Variants in SLC9A9 observed in about 807,000 individuals in gnomAD.
SLC9A9 encodes the protein sodium/hydrogen exchanger 9.
In SLC9A9, 62 loss-of-function variants were observed where a neutral mutation model predicts 77.8. The observed-to-expected ratio is 0.80, with a 90% CI of 0.65 to 0.98. SLC9A9 has a LOEUF of 0.98. SLC9A9 is among the 50% of genes least tolerant of loss of function. The pLI is 0.00. For missense variants in SLC9A9, 775 were observed against 774.9 expected, an observed-to-expected ratio of 1.00 and a Z score of 0.00; for synonymous variants, 320 against 283.5, an observed-to-expected ratio of 1.13 and a Z score of -1.29.
intron 7 of SLC9A9, among the ~76,000 whole-genome samples, chr3:143,576,396 A>G (rs6770251): frequency 0.31 from 46,493 of 152,098 alleles, 7,468 homozygotes; most frequent in African/African-American, 0.41. Context: ...TTACTGATAT[A>G]TGATCCTGAG....
chr3:143,594,200 T>C (rs1007976635), intron 6 of SLC9A9, among the ~76,000 whole-genome samples: 2 of 152,240 alleles, frequency 1.3e-5, no homozygotes, highest in Non-Finnish European at 2.9e-5. Flanking sequence ...GGTAATTTGT[T>C]AGTAAACTGA....
At chr3:143,699,046 T>A (rs916362652) in intron 4 of SLC9A9, among the ~76,000 whole-genome samples, 16 of 152,344 alleles carry the variant, frequency 1.1e-4, no homozygotes, top group African/African-American at 3.6e-4. Context: ...AGTTTCAATT[T>A]CACATTTTCT....
intron 9 of SLC9A9, among the ~76,000 whole-genome samples, chr3:143,530,552 G>A (rs2036489414): frequency 6.6e-6 from 1 of 151,986 alleles, no homozygotes; most frequent in Non-Finnish European, 1.5e-5. Flanking sequence ...TCAGCAGCGT[G>A]AAAACAGACT....
chr3:143,529,978 G>A (rs887467135), intron 9 of SLC9A9, among the ~76,000 whole-genome samples: 12 of 152,138 alleles, frequency 7.9e-5, no homozygotes, highest in Admixed American at 2.0e-4. Flanking sequence ...GTGCTTGCCT[G>A]GAGTCTAACC....
intron 9 of SLC9A9, among the ~76,000 whole-genome samples, chr3:143,504,725 A>G (rs931742034): frequency 4.6e-5 from 7 of 152,214 alleles, no homozygotes; most frequent in Admixed American, 2.6e-4. Context: ...TACTTTAACA[A>G]TTTTTAAAAA....
chr3:143,421,083 G>A (rs1442421685), intron 12 of SLC9A9, among the ~76,000 whole-genome samples: 2 of 152,118 alleles, frequency 1.3e-5, no homozygotes, highest in Non-Finnish European at 2.9e-5. Context: ...AACCAAGGAG[G>A]TGAGGTGAGA....
At chr3:143,302,253 C>G (rs996810354) in intron 14 of SLC9A9, among the ~76,000 whole-genome samples, 2 of 152,116 alleles carry the variant, frequency 1.3e-5, no homozygotes, top group Non-Finnish European at 2.9e-5. Flanking sequence ...GATGATTGCC[C>G]TAGTATATAC....
chr3:143,661,678 C>A (rs1054542999), intron 5 of SLC9A9, among the ~76,000 whole-genome samples: 5 of 152,192 alleles, frequency 3.3e-5, no homozygotes, highest in Admixed American at 1.3e-4. Flanking sequence ...TGATGTCAAT[C>A]TCTAGCCCAT....
intron 14 of SLC9A9, among the ~76,000 whole-genome samples, chr3:143,310,492 G>A (rs1035946440): frequency 1.3e-5 from 2 of 150,246 alleles, no homozygotes; most frequent in Admixed American, 1.3e-4. Flanking sequence ...CAGGCGTGGT[G>A]TGGCCTTTAC....
chr3:143,527,798 AG>A (rs1351011336), intron 9 of SLC9A9, among the ~76,000 whole-genome samples: 2 of 152,164 alleles, frequency 1.3e-5, no homozygotes, highest in African/African-American at 4.8e-5. Context: ...AAGGGCTATG[AG>A]GACCACAGAG....
intron 12 of SLC9A9, among the ~76,000 whole-genome samples, chr3:143,416,659 C>T (rs1214100808): frequency 1.3e-5 from 2 of 152,036 alleles, no homozygotes; most frequent in Non-Finnish European, 2.9e-5. Flanking sequence ...TTCATATGCA[C>T]TGGGAAAATA....
intron 8 of SLC9A9, among the ~76,000 whole-genome samples, chr3:143,559,047 A>G (rs1454135179): frequency 6.6e-6 from 1 of 152,132 alleles, no homozygotes; most frequent in Non-Finnish European, 1.5e-5. Flanking sequence ...TATAAGATTC[A>G]GGTATTTCCC....
intron 12 of SLC9A9, among the ~76,000 whole-genome samples, chr3:143,409,156 T>A (rs55769427): frequency 6.6e-6 from 1 of 152,226 alleles, no homozygotes. Flanking sequence ...ATAGTGCCCA[T>A]ATTCAGTTAC....
chr3:143,833,065 C>T (rs116283404), intron 1 of SLC9A9, among the ~76,000 whole-genome samples: 3,573 of 152,132 alleles, frequency 0.023, 148 homozygotes, highest in African/African-American at 0.082. Context: ...ATGCTCATGG[C>T]AATCTGATAA....
At chr3:143,637,313 A>C (rs945350313) in intron 6 of SLC9A9, among the ~76,000 whole-genome samples, 1 of 152,250 alleles carries the variant, frequency 6.6e-6, no homozygotes, top group African/African-American at 2.4e-5. Flanking sequence ...CTGGAAATGA[A>C]AAATTTACAG....
chr3:143,823,643 C>G (rs1324550918), intron 2 of SLC9A9, among the ~76,000 whole-genome samples: 1 of 150,050 alleles, frequency 6.7e-6, no homozygotes, highest in African/African-American at 2.5e-5. Flanking sequence ...ACTATGTACC[C>G]ACAAAAATAA....
intron 4 of SLC9A9, among the ~76,000 whole-genome samples, chr3:143,727,411 C>A (rs1486303048): frequency 6.6e-6 from 1 of 151,992 alleles, no homozygotes; most frequent in Admixed American, 6.6e-5. Context: ...TCAATAGAAC[C>A]CATTCCAATG....
intron 14 of SLC9A9, among the ~76,000 whole-genome samples, chr3:143,312,381 A>C (rs1157538583): frequency 2.0e-5 from 3 of 152,264 alleles, no homozygotes; most frequent in Admixed American, 2.0e-4. Flanking sequence ...TTATATGGAA[A>C]GAGCTTGGTC....
At chr3:143,504,821 A>G (rs949383147) in intron 9 of SLC9A9, among the ~76,000 whole-genome samples, 1 of 152,184 alleles carries the variant, frequency 6.6e-6, no homozygotes, top group African/African-American at 2.4e-5. Flanking sequence ...CAAAGGCATT[A>G]ATACACTTGC....
Sources: gnomAD v4.1 joint callset for allele counts (sites outside exome capture counted in the v4.1 genomes callset) on GRCh38, gnomAD v4.1.1 for gene constraint, MANE v1.5 for transcripts, NCBI Gene and HGNC (gene_info 2026-07-23, HGNC 2026-07-21) for gene names.